Variants in FMNL2 observed in about 807,000 individuals in gnomAD.
FMNL2 encodes the protein formin like 2, also known as formin-like protein 2.
FMNL2 carries 51 observed loss-of-function variants against 130.2 expected under a neutral mutation model. The observed-to-expected ratio is 0.39, with a 90% CI of 0.31 to 0.49. The LOEUF is 0.49. Ranked by LOEUF, FMNL2 falls within the 20% of genes least tolerant of loss-of-function variation. The pLI, the probability that FMNL2 is intolerant of heterozygous loss-of-function variation, is 0.85. For synonymous variants in FMNL2, 465 were observed against 467.1 expected (o/e 1.00, Z 0.06); for missense variants, 977 against 1,316.2 (o/e 0.74, Z 3.99).
intron 2 of FMNL2, among the ~76,000 whole-genome samples, chr2:152,527,890 C>T (rs1693475041): frequency 6.6e-6 from 1 of 152,034 alleles, no homozygotes; most frequent in South Asian, 2.1e-4. Flanking sequence ...ATCATTTCTC[C>T]AATGATCCCT....
chr2:152,348,827 T>G (rs1438126646), intron 1 of FMNL2, among the ~76,000 whole-genome samples: 2 of 105,426 alleles, frequency 1.9e-5, no homozygotes, highest in Non-Finnish European at 3.8e-5. Context: ...GGTTTTTTTT[T>G]TTTTTTTTTT....
chr2:152,465,947 G>T (rs1304256283), intron 1 of FMNL2, among the ~76,000 whole-genome samples: 1 of 152,194 alleles, frequency 6.6e-6, no homozygotes. Context: ...TTGCTAGAAA[G>T]GTTGCTAAGT....
At chr2:152,588,871 G>T (rs548215187) in intron 9 of FMNL2, among the ~76,000 whole-genome samples, 12 of 152,044 alleles carry the variant, frequency 7.9e-5, no homozygotes, top group Non-Finnish European at 1.3e-4. Context: ...TATTAATAAA[G>T]AATTTGCTCA....
intron 9 of FMNL2, among the ~76,000 whole-genome samples, chr2:152,586,913 A>G (rs905831904): frequency 5.3e-5 from 8 of 152,136 alleles, no homozygotes; most frequent in Non-Finnish European, 8.8e-5. Context: ...CTGGCATGGC[A>G]GGGATTGTCT....
At chr2:152,646,739 A>G (rs1428484241) in intron 25 of FMNL2, among the ~76,000 whole-genome samples, 1 of 152,204 alleles carries the variant, frequency 6.6e-6, no homozygotes, top group Non-Finnish European at 1.5e-5. Context: ...GATAGCATGT[A>G]TTCTAGCAGA....
chr2:152,533,010 A>G (rs1259053014), intron 2 of FMNL2, among the ~76,000 whole-genome samples: 2 of 152,216 alleles, frequency 1.3e-5, no homozygotes, highest in Admixed American at 6.5e-5. Flanking sequence ...TACTTTGCAA[A>G]TATTTCATTA....
At chr2:152,513,243 A>G (rs1692581333) in intron 1 of FMNL2, among the ~76,000 whole-genome samples, 1 of 152,158 alleles carries the variant, frequency 6.6e-6, no homozygotes, top group Non-Finnish European at 1.5e-5. Flanking sequence ...TGATCACGAG[A>G]GTCAGACTAA....
chr2:152,390,760 G>A (rs1685067844), intron 1 of FMNL2: 7 of 593,844 alleles, frequency 1.2e-5, no homozygotes, highest in Non-Finnish European at 2.1e-5. Flanking sequence ...CTAGACACAC[G>A]GATCCCAGGG....
chr2:152,519,138 G>A (rs1318495769), intron 1 of FMNL2, among the ~76,000 whole-genome samples: 2 of 152,110 alleles, frequency 1.3e-5, no homozygotes, highest in Non-Finnish European at 2.9e-5. Context: ...CCTCTGCCTG[G>A]CCAATCCTTC....
intron 15 of FMNL2, 46 bp from the exon 16 acceptor site, chr2:152,625,384 GAGGGTCGT>G (rs1395212843): frequency 1.3e-6 from 2 of 1,565,296 alleles, no homozygotes; most frequent in East Asian, 4.5e-5. Flanking sequence ...GATTGTTCCT[GAGGGTCGT>G]AGGCTTTTGG....
chr2:152,345,700 T>C (rs1484838182), intron 1 of FMNL2, among the ~76,000 whole-genome samples: 1 of 152,196 alleles, frequency 6.6e-6, no homozygotes, highest in Non-Finnish European at 1.5e-5. Flanking sequence ...GGAAGCCAAA[T>C]GTTTTGGGAC....
chr2:152,542,318 A>G (rs1579921977), intron 2 of FMNL2, among the ~76,000 whole-genome samples: 1 of 152,242 alleles, frequency 6.6e-6, no homozygotes, highest in Non-Finnish European at 1.5e-5. Flanking sequence ...TCCAAAAGAG[A>G]AAGATTTGCC....
rs1225977031 is a variant in FMNL2 at position 152,408,327 on chromosome 2, G to A, written c.117+72607G>A. 4.6e-5 allele frequency among the ~76,000 whole-genome samples: 7 copies of A among 151,420 alleles called. No homozygotes were observed. The South Asian group carries it at 8.3e-4, about 18-fold the overall frequency. ...TAATGTTCTCTTCTGTGTCTTTGTC[G>A]TATTATGTTTCTTAGGACAAGTGAG... On this transcript the variant is annotated intron_variant, in intron 1 of 25. Transcript: ENST00000288670.
chr2:152,620,615 T>C (rs1699202241), intron 15 of FMNL2, among the ~76,000 whole-genome samples: 1 of 152,204 alleles, frequency 6.6e-6, no homozygotes, highest in Non-Finnish European at 1.5e-5. Flanking sequence ...ACCACTCTAA[T>C]AGCCTCCATT....
intron 1 of FMNL2, among the ~76,000 whole-genome samples, chr2:152,487,377 G>C (rs1446237853): frequency 6.6e-6 from 1 of 152,164 alleles, no homozygotes; most frequent in East Asian, 1.9e-4. Flanking sequence ...AGGGAACTTA[G>C]GTGAAAGGAC....
intron 1 of FMNL2, among the ~76,000 whole-genome samples, chr2:152,520,525 G>A (rs1172903219): frequency 2.6e-5 from 4 of 151,644 alleles, no homozygotes; most frequent in Admixed American, 6.6e-5. Flanking sequence ...AACCCAGGAA[G>A]CGGAGGTTGC....
At chr2:152,558,944 G>A in intron 5 of FMNL2, 121 bp downstream of exon 5, 1 of 840,232 alleles carries the variant, frequency 1.2e-6, no homozygotes, top group Non-Finnish European at 1.8e-6. Context: ...CTAGGGCTTA[G>A]GGAGGTTTGT....
intron 24 of FMNL2, 52 bp downstream of exon 24, chr2:152,640,108 C>A (rs1682955378): frequency 2.1e-6 from 3 of 1,448,708 alleles, no homozygotes; most frequent in Non-Finnish European, 2.8e-6. Context: ...GCTGAGAGGG[C>A]TCTTCAGAGC....
intron 1 of FMNL2, among the ~76,000 whole-genome samples, chr2:152,358,735 G>A (rs1682989952): frequency 1.3e-5 from 2 of 152,032 alleles, no homozygotes; most frequent in African/African-American, 4.8e-5. Flanking sequence ...AATAACTACT[G>A]CAAATAATGG....
Sources: allele counts gnomAD v4.1 joint callset (sites outside exome capture counted in the v4.1 genomes callset), GRCh38; gene constraint gnomAD v4.1.1; transcripts MANE v1.5; gene names NCBI Gene and HGNC (gene_info 2026-07-23, HGNC 2026-07-21).